The following EIF2D variants were observed in gnomAD, a reference collection of about 807,000 sequenced individuals.
The protein encoded by EIF2D is eukaryotic translation initiation factor 2D, also known as hepatocellular carcinoma-associated antigen 56.
Under a neutral mutation model 77.4 loss-of-function variants are expected in EIF2D, and 56 were observed. The ratio of observed to expected loss-of-function variants is 0.72; its 90% CI spans 0.58 to 0.90. EIF2D has a LOEUF of 0.90. Ranked by LOEUF, EIF2D falls within the 40% of genes least tolerant of loss-of-function variation. The pLI, the probability that EIF2D is intolerant of heterozygous loss-of-function variation, is 0.00. For missense variants in EIF2D, 574 were observed against 706.5 expected (o/e 0.81, Z 2.13); for synonymous variants, 230 against 271.0 (o/e 0.85, Z 1.49).
At chr1:206,598,981 C>A (rs1553410703) in intron 11 of EIF2D, 22 bp downstream of exon 11, 2 of 1,611,902 alleles carry the variant, frequency 1.2e-6, no homozygotes, top group South Asian at 1.1e-5. Context: ...TAAGACAGAT[C>A]TGGTGCTTCT....
chr1:206,598,501 G>C (rs1553410615), intron 11 of EIF2D, among the ~76,000 whole-genome samples: 1 of 152,164 alleles, frequency 6.6e-6, no homozygotes, highest in African/African-American at 2.4e-5. Flanking sequence ...TAACAACAAT[G>C]TATTGTGTAT....
downstream of EIF2D, among the ~76,000 whole-genome samples, chr1:206,570,306 A>T (rs1463989651): frequency 6.6e-6 from 1 of 151,788 alleles, no homozygotes; most frequent in Non-Finnish European, 1.5e-5. Flanking sequence ...GTTGGTCAGG[A>T]TGGTCTCAGA....
chr1:206,601,096 T>C (rs1459466470), intron 7 of EIF2D: 6 of 152,128 alleles, frequency 3.9e-5, no homozygotes, highest in Non-Finnish European at 7.4e-5. Context: ...TACAGAATAT[T>C]CTGGGGCCCC....
Position 206,603,099 on chromosome 1 carries a change from C to G in EIF2D, c.636G>C (p.Gln212His). Reference protein sequence around the residue: ...KGSVQMDSTLQGDMRHMTLEG... With the variant: ...KGSVQMDSTLHGDMRHMTLEG... Reference sequence around the variant, plus strand: ...CCAGGGTCATGTGCCTCATGTCTCCCTGCAGGGTGGAGTCCATCTGGACAG... The same window carrying G: ...CCAGGGTCATGTGCCTCATGTCTCCGTGCAGGGTGGAGTCCATCTGGACAG... The change falls in exon 6 of 15, where the codon CAG becomes CAC. Residue 212 changes from glutamine (Q) to histidine (H), a missense_variant. By Grantham distance (24) the Gln-to-His change is conservative. Transcript: ENST00000271764. 6.2e-7 allele frequency: 1 copy of G among 1,614,180 alleles called. No individual in the cohort carries two copies. The highest frequency in any genetic ancestry group is 8.5e-7 in the Non-Finnish European group (1 of 1,180,034).
chr1:206,581,148 C>A (rs1553406221), exon 3 of EIF2D: 4 of 152,214 alleles, frequency 2.6e-5, no homozygotes, highest in African/African-American at 4.8e-5. Flanking sequence ...TTAAACTCAG[C>A]CTCAGTTTTG....
chr1:206,602,055 G>A (rs371131860), intron 7 of EIF2D: 18 of 361,494 alleles, frequency 5.0e-5, no homozygotes, highest in Non-Finnish European at 7.1e-5. Flanking sequence ...GAACCCCCAC[G>A]GCAGAGGCAG....
chr1:206,589,667 C>CTT (rs1283881749), downstream of EIF2D, among the ~76,000 whole-genome samples: 1 of 152,180 alleles, frequency 6.6e-6, no homozygotes, highest in Non-Finnish European at 1.5e-5. Context: ...AGGAATAGAT[C>CTT]TTTAAAAGTT....
chr1:206,584,640 C>G lies in EIF2D; in HGVS notation c.139-3478G>C. 6.2e-7 allele frequency: 1 copy of G among 1,614,156 alleles called. No individual in the cohort carries two copies. Among genetic ancestry groups the G allele is most frequent in the Non-Finnish European group, 8.5e-7 (1 of 1,180,040 alleles). Reference sequence around the variant, plus strand: ...AAGAAGTTCATGGTTGTGGACAATCCCCAGAAGTTTGCACTTTTTAAGCGG... The same window carrying G: ...AAGAAGTTCATGGTTGTGGACAATCGCCAGAAGTTTGCACTTTTTAAGCGG... On this transcript the variant is annotated intron_variant and NMD_transcript_variant, in intron 2 of 5. Transcript: ENST00000472709. The surrounding 1 kb of genome is among the most constrained non-coding windows in gnomAD (Gnocchi z 4.9).
chr1:206,610,025 G>A (rs990745804), intron 2 of EIF2D, among the ~76,000 whole-genome samples: 4 of 152,108 alleles, frequency 2.6e-5, no homozygotes, highest in Non-Finnish European at 1.5e-5. Context: ...AAAGAGAAAA[G>A]GAGACTGAGT....
rs1446822164 is a variant in EIF2D, at chr1:206,579,394, T to G, written c.*254+1298A>C. The stretch of plus-strand genomic sequence containing the variant: ...AAAACTGTCTGCTTGGTTTCTCGCT[T>G]TGTACCCGTGGACAGATCCTTAAGA... On this transcript the variant is annotated intron_variant and NMD_transcript_variant, in intron 4 of 5. Coordinates refer to the EIF2D transcript ENST00000472709. The surrounding 1 kb of genome is among the most constrained non-coding windows in gnomAD (Gnocchi z 4.2). Among the ~76,000 whole-genome samples the G allele has an allele frequency of 1.3e-5, 2 of 152,218 alleles. No homozygotes were observed. Among genetic ancestry groups the G allele is most frequent in the Non-Finnish European group, 2.9e-5 (2 of 68,048 alleles).
At chr1:206,605,283 C>T (rs1670147705) in intron 5 of EIF2D, 117 bp downstream of exon 5, 1 of 599,984 alleles carries the variant, frequency 1.7e-6, no homozygotes, top group African/African-American at 1.9e-5. Context: ...AAAGTCTGGG[C>T]TTAGCAACTT....
chr1:206,606,445 T>C (rs1670205689), intron 4 of EIF2D, among the ~76,000 whole-genome samples: 1 of 152,126 alleles, frequency 6.6e-6, no homozygotes, highest in African/African-American at 2.4e-5. Context: ...CCTCATATCA[T>C]TACCCCCACC....
Position 206,605,956 on chromosome 1 carries a change from G to T in EIF2D, c.423-449C>A, listed in dbSNP as rs114204141. Among the ~76,000 whole-genome samples the T allele has an allele frequency of 2.4e-3, 371 of 152,334 alleles. 2 individuals are homozygous for T. Among genetic ancestry groups the T allele is most frequent in the African/African-American group, 8.4e-3 (349 of 41,572 alleles). ...AGGCTGAGGGATGCCATAGGGAAGA[G>T]AGAAGAGACACATAGTGGGGCCAAC... On this transcript the variant is annotated intron_variant, in intron 4 of 14. Transcript: ENST00000271764.
intron 2 of EIF2D, chr1:206,583,325 G>A (rs781976515): frequency 6.2e-7 from 1 of 1,613,652 alleles, no homozygotes; most frequent in South Asian, 1.1e-5. Context: ...AGGAGATCAA[G>A]CAGAAGATCG....
In EIF2D at chr1:206,599,058, T is replaced by C; in HGVS notation, c.1237A>G (p.Thr413Ala). 1 of 1,614,172 alleles carries C rather than the reference T, an allele frequency of 6.2e-7. No individual in the cohort carries two copies. Among genetic ancestry groups the C allele is most frequent in the Non-Finnish European group, 8.5e-7 (1 of 1,180,022 alleles). The change falls in exon 11 of 15, where the codon ACG (threonine) becomes GCG (alanine). Residue 413 changes from threonine (T) to alanine (A), a missense_variant. Physicochemically the swap from Thr to Ala is moderately conservative, Grantham distance 58. Coordinates refer to ENST00000271764, the MANE Select transcript of EIF2D (RefSeq NM_006893.3). This position sits in a 1 kb window ranked among gnomAD's most constrained non-coding sequence, Gnocchi z 4.1. ...GSFLEGSEVR[T>A]IVINYAKKND... is the part of the protein sequence containing the mutation. ...TTCTTGGCGTAGTTAATGACGATCG[T>C]TCGGACCTCACTGCCCTCCAGAAAG...
chr1:206,602,578 C>T lies in EIF2D; in HGVS notation c.785-125G>A. 3.6e-6 allele frequency: 3 copies of T among 822,212 alleles called. No individual in the cohort carries two copies. In the South Asian group the frequency reaches 4.8e-5, roughly 13 times the overall value. The allele number at this position is 822,212 out of a possible 1,614,324, so 50.9% of individuals were successfully genotyped here. A position where few individuals can be genotyped will look rare whatever the true frequency, so the allele number is the denominator to read the frequency against. On this transcript the variant is annotated intron_variant, in intron 6 of 14. Transcript: ENST00000271764. ...TCTGAAAGGAACCCATTCCCAGGTA[C>T]CAAAGCTCCCAGCCTCTCTTGAGCA...
intron 2 of EIF2D, among the ~76,000 whole-genome samples, chr1:206,582,797 C>T (rs375927115): frequency 1.8e-4 from 27 of 152,340 alleles, no homozygotes; most frequent in African/African-American, 6.0e-4. Context: ...ATACTGGCAC[C>T]ATGGGTAGAC....
intron 14 of EIF2D, 135 bp from the exon 15 acceptor site, chr1:206,591,980 A>G (rs1438151366): frequency 1.3e-6 from 1 of 766,722 alleles, no homozygotes; most frequent in African/African-American, 1.7e-5. Context: ...ACTTACGCCT[A>G]CACCTCACAG....
chr1:206,591,919 T>C, intron 14 of EIF2D, 74 bp from the exon 15 acceptor site: 1 of 1,444,476 alleles, frequency 6.9e-7, no homozygotes, highest in East Asian at 2.3e-5. Context: ...CCAGTCCCCG[T>C]TGCCTCACAA....
Sources: allele counts gnomAD v4.1 joint callset (sites outside exome capture counted in the v4.1 genomes callset), GRCh38; gene constraint gnomAD v4.1.1; non-coding constraint Gnocchi (gnomAD v3.1); transcripts MANE v1.5; gene names NCBI Gene and HGNC (gene_info 2026-07-23, HGNC 2026-07-21).